ATF3: variants seen among roughly 807,000 people sequenced by gnomAD.
ATF3 encodes the protein activating transcription factor 3.
In ATF3, 10 loss-of-function variants were observed where a neutral mutation model predicts 18.4. The ratio of observed to expected loss-of-function variants is 0.54; its 90% CI spans 0.34 to 0.92. ATF3 has a LOEUF of 0.92. ATF3 is among the 40% of genes least tolerant of loss of function. The pLI is 0.02. For missense variants in ATF3, 183 were observed against 222.3 expected, an observed-to-expected ratio of 0.82 and a Z score of 1.12; for synonymous variants, 78 against 87.9, an observed-to-expected ratio of 0.89 and a Z score of 0.63.
intron 1 of ATF3, among the ~76,000 whole-genome samples, chr1:212,571,350 T>C (rs1029902139): frequency 1.8e-4 from 28 of 152,178 alleles, no homozygotes; most frequent in African/African-American, 6.5e-4. Flanking sequence ...TAAATTAATT[T>C]TTTTCTAAAT....
chr1:212,565,679 T>A (rs890793785), intron 1 of ATF3, among the ~76,000 whole-genome samples: 1 of 151,980 alleles, frequency 6.6e-6, no homozygotes, highest in African/African-American at 2.4e-5. Context: ...GGGATAGGGA[T>A]CGAAAAGTCC....
At chr1:212,575,120 C>G (rs1419009557) in intron 1 of ATF3, among the ~76,000 whole-genome samples, 2 of 151,948 alleles carry the variant, frequency 1.3e-5, no homozygotes, top group Non-Finnish European at 2.9e-5. Context: ...TACCACGACA[C>G]CAGAGGTGCC....
In ATF3 at chr1:212,585,333, A is replaced by G. The variant is rs1434153540; in HGVS notation, c.-5+19850A>G. 2.6e-5 allele frequency among the ~76,000 whole-genome samples: 4 copies of G among 152,114 alleles called. No individual in the cohort carries two copies. In the East Asian group the frequency reaches 7.7e-4, roughly 29 times the overall value. On this transcript the variant is annotated intron_variant, in intron 1 of 3. Coordinates refer to the ATF3 transcript ENST00000366981. ...TTGCCCCCGTGCCCAGTCCTGGCGA[A>G]CTTCCTTCAGTTCATCAAACAGCTG... is the stretch of plus-strand genomic sequence containing the variant.
intron 1 of ATF3, among the ~76,000 whole-genome samples, chr1:212,587,262 G>A (rs1664796715): frequency 6.6e-6 from 1 of 152,178 alleles, no homozygotes; most frequent in Non-Finnish European, 1.5e-5. Context: ...AAATGCTTGG[G>A]ATGAATACAT....
chr1:212,610,683 G>C (rs998823224), intron 1 of ATF3, among the ~76,000 whole-genome samples: 1 of 151,930 alleles, frequency 6.6e-6, no homozygotes, highest in Non-Finnish European at 1.5e-5. Flanking sequence ...CGTTTTCTTC[G>C]ATAGCCCCTC....
chr1:212,609,487 C>A lies in ATF3; in HGVS notation c.-5+557C>A, dbSNP rs540011815. 1.3e-3 allele frequency among the ~76,000 whole-genome samples: 195 copies of A among 152,200 alleles called. 1 individual carries two copies. Among genetic ancestry groups the A allele is most frequent in the African/African-American group, 4.3e-3 (180 of 41,532 alleles). On this transcript the variant is annotated intron_variant, in intron 1 of 3. Coordinates refer to ENST00000341491, the MANE Select transcript of ATF3 (RefSeq NM_001674.4). ...GCGAGAGGGCGGGAGGCGTCCCGGG[C>A]GCGGCCGCTGGGGGTCGCCCTGGGT...
At chr1:212,599,951 C>A (rs1654436015) in intron 1 of ATF3, among the ~76,000 whole-genome samples, 1 of 152,172 alleles carries the variant, frequency 6.6e-6, no homozygotes, top group African/African-American at 2.4e-5. Flanking sequence ...TGGGGAGGGC[C>A]CCCGAAAGTG....
intron 1 of ATF3, among the ~76,000 whole-genome samples, chr1:212,612,415 G>T (rs1654934317): frequency 6.6e-6 from 1 of 152,148 alleles, no homozygotes; most frequent in Non-Finnish European, 1.5e-5. Flanking sequence ...CCGTGTAGAA[G>T]GGAGCCATCC....
At chr1:212,591,773 C>G (rs1226675315) in intron 1 of ATF3, among the ~76,000 whole-genome samples, 1 of 152,158 alleles carries the variant, frequency 6.6e-6, no homozygotes, top group Admixed American at 6.5e-5. Context: ...CCCTTCCGCA[C>G]ACTTTTCTTT....
At chr1:212,568,348 T>A (rs1255861271) in intron 1 of ATF3, among the ~76,000 whole-genome samples, 10 of 152,240 alleles carry the variant, frequency 6.6e-5, no homozygotes, top group African/African-American at 2.4e-4. Flanking sequence ...ATGTCTTTAA[T>A]GACCAACACA....
At chr1:212,609,334 C>T (rs757461788) in intron 1 of ATF3, among the ~76,000 whole-genome samples, 9 of 131,316 alleles carry the variant, frequency 6.9e-5, no homozygotes, top group African/African-American at 2.6e-4. Flanking sequence ...CTCCATCCCT[C>T]GCTTCGAGAC....
At chr1:212,570,821 G>A (rs946373765) in intron 1 of ATF3, among the ~76,000 whole-genome samples, 7 of 152,126 alleles carry the variant, frequency 4.6e-5, no homozygotes, top group African/African-American at 1.7e-4. Flanking sequence ...CTAAAAGTAA[G>A]CTTTCATTAT....
At chr1:212,597,419 T>C (rs200389645) in intron 1 of ATF3, among the ~76,000 whole-genome samples, 35 of 150,850 alleles carry the variant, frequency 2.3e-4, no homozygotes, top group African/African-American at 6.8e-4. Context: ...TTACATCTAT[T>C]TATCTATCTA....
chr1:212,579,414 T>A (rs1453823596), intron 1 of ATF3, among the ~76,000 whole-genome samples: 4 of 152,276 alleles, frequency 2.6e-5, no homozygotes, highest in Non-Finnish European at 5.9e-5. Flanking sequence ...CAGTATATAT[T>A]TTTTTATTAC....
chr1:212,589,923 A>G (rs1664849904), intron 1 of ATF3, among the ~76,000 whole-genome samples: 1 of 152,022 alleles, frequency 6.6e-6, no homozygotes, highest in South Asian at 2.1e-4. Flanking sequence ...CTTAAGGCCC[A>G]GTATTTTTTA....
intron 1 of ATF3, among the ~76,000 whole-genome samples, chr1:212,598,723 T>G (rs1276944932): frequency 6.6e-6 from 1 of 152,272 alleles, no homozygotes; most frequent in Non-Finnish European, 1.5e-5. Flanking sequence ...TTTGTCTTTC[T>G]GTGCCTGGCT....
chr1:212,607,618 C>T (rs1252732426), upstream of ATF3, among the ~76,000 whole-genome samples: 1 of 152,226 alleles, frequency 6.6e-6, no homozygotes, highest in African/African-American at 2.4e-5. Flanking sequence ...TCATTGCGTC[C>T]CCATTCCGGG....
chr1:212,597,683 C>T (rs1024629374), intron 1 of ATF3, among the ~76,000 whole-genome samples: 4 of 152,182 alleles, frequency 2.6e-5, no homozygotes, highest in Admixed American at 6.5e-5. Context: ...AGAGGGACCT[C>T]AGGTTTCTCA....
rs866218438 is a variant in ATF3 at position 212,609,378 on chromosome 1, G to C, written c.-5+448G>C. ...GTGGGAGCCGATCCTTCCCGGGTGGGGGGGGGGGGGCGCAGAGAGGCACGA... is the reference window on the plus strand; with the variant it reads ...GTGGGAGCCGATCCTTCCCGGGTGGCGGGGGGGGGGCGCAGAGAGGCACGA... On this transcript the variant is annotated intron_variant, in intron 1 of 3. Coordinates refer to ENST00000341491, the MANE Select transcript of ATF3 (RefSeq NM_001674.4). 8.2e-4 allele frequency among the ~76,000 whole-genome samples: 119 copies of C among 145,812 alleles called. 3 individuals are homozygous for C. The highest frequency in any genetic ancestry group is 2.9e-3 in the East Asian group (14 of 4,896).
Sources: gnomAD v4.1 joint callset for allele counts (sites outside exome capture counted in the v4.1 genomes callset) on GRCh38, gnomAD v4.1.1 for gene constraint, MANE v1.5 for transcripts, NCBI Gene and HGNC (gene_info 2026-07-23, HGNC 2026-07-21) for gene names.